Variants in ZAN observed in about 807,000 individuals in gnomAD.
ZAN encodes zonadhesin.
ZAN carries 260 observed loss-of-function variants against 286.2 expected under a neutral mutation model. That is an observed-to-expected ratio of 0.91 (90% CI 0.82 to 1.01). The LOEUF (loss-of-function observed/expected upper bound fraction) is 1.01. Among genes scored for constraint, ZAN ranks in the 50% least tolerant of loss-of-function variants. ZAN has a pLI of 0.00. For missense variants in ZAN, 3,410 were observed against 3,639.2 expected (o/e 0.94, Z 1.62); for synonymous variants, 1,368 against 1,417.5 (o/e 0.97, Z 0.79).
chr7:100,773,890 G>A (rs551449483), intron 31 of ZAN, 25 bp downstream of exon 31: 4 of 1,585,734 alleles, frequency 2.5e-6, no homozygotes, highest in South Asian at 2.3e-5. Context: ...GTGATGGGGG[G>A]ACTCCACAGC....
chr7:100,751,204 G>A lies in ZAN; in HGVS notation c.1544G>A (p.Gly515Glu). 1 of 1,609,608 alleles carries A rather than the reference G, an allele frequency of 6.2e-7. No homozygotes were observed. The highest frequency in any genetic ancestry group is 1.1e-5 in the South Asian group (1 of 90,368). ...TAGCTTATTTTCAAGGGCATCCAGG[G>A]AAGCAACACGGCCTCTGTGGTTGCT... is the stretch of plus-strand genomic sequence containing the variant. ...PMQLIFKGIQ[G>E]SNTASVVAMG... is the part of the protein sequence containing the mutation. The change falls in exon 13 of 48, where the codon GGA becomes GAA. Residue 515 changes from glycine to glutamate, a missense_variant. By Grantham distance (98) the Gly-to-Glu change is moderately conservative. This residue lies in a region of ZAN where 872 missense variants were observed against 938.9 expected (regional missense o/e 0.93). Transcript: ENST00000613979.
intron 35 of ZAN, among the ~76,000 whole-genome samples, chr7:100,783,819 T>TAC (rs1196080180): frequency 3.5e-5 from 1 of 28,616 alleles, no homozygotes; most frequent in Admixed American, 7.0e-4. Flanking sequence ...TATATATACA[T>TAC]ATATATATAT....
At chr7:100,758,119 A>C (rs1266242526) in intron 15 of ZAN, 83 bp from the exon 16 acceptor site, 1 of 1,104,418 alleles carries the variant, frequency 9.1e-7, no homozygotes. Flanking sequence ...TAAATAAATA[A>C]ATAAATAAAT....
intron 15 of ZAN, among the ~76,000 whole-genome samples, chr7:100,757,677 C>T (rs544221862): frequency 1.3e-4 from 20 of 150,612 alleles, no homozygotes; most frequent in Admixed American, 1.2e-3. Flanking sequence ...ATCGCTTGAA[C>T]GCTGAAGGCG....
chr7:100,752,460 A>G lies in ZAN; in HGVS notation c.2355A>G (p.Glu785=), dbSNP rs752803064. 1 of 1,597,714 alleles carries G rather than the reference A, an allele frequency of 6.3e-7. No individual in the cohort carries two copies. Among genetic ancestry groups the G allele is most frequent in the South Asian group, 1.1e-5 (1 of 89,596 alleles). ...CAGAAAAACCCACCATCCCCACAGA[A>G]AAACCCACCATTCCCACAGAAAAAC... The part of the protein sequence containing the change: ...IPTEKPTIPT[E]KPTIPTEKPT... Residue 785 remains glutamate (E), a synonymous_variant, in exon 14 of 48, where the codon GAA becomes GAG. Coordinates refer to ENST00000613979, the MANE Select transcript of ZAN (RefSeq NM_003386.3).
chr7:100,768,088 C>T (rs1810126853), intron 26 of ZAN, 77 bp downstream of exon 26: 1 of 1,492,216 alleles, frequency 6.7e-7, no homozygotes, highest in African/African-American at 1.4e-5. Flanking sequence ...CCCCCAACAT[C>T]TCTGTGAGGT....
chr7:100,765,436 T>C lies in ZAN; in HGVS notation c.4352T>C (p.Phe1451Ser), dbSNP rs1809889414. ...DTCHSGFSGM[F>S]CSDRCVEACE... ...TGCCATTCAGGATTCTCCGGCATGT[T>C]CTGCTCAGACCGGTGCGTGGAGGCC... Residue 1451 changes from phenylalanine (F) to serine (S), a missense_variant, in exon 23 of 48, where the codon TTC (phenylalanine) becomes TCC (serine). By Grantham distance (155) the Phe-to-Ser change is radical. Around this residue, in one of 7 missense-constraint regions of ZAN, gnomAD observed 1,042 missense variants for 1,058.0 expected, o/e 0.98. Coordinates refer to ENST00000613979, the MANE Select transcript of ZAN (RefSeq NM_003386.3). 6.2e-7 allele frequency: 1 copy of C among 1,613,950 alleles called. No individual in the cohort carries two copies. The highest frequency in any genetic ancestry group is 8.5e-7 in the Non-Finnish European group (1 of 1,179,870).
chr7:100,755,235 C>T lies in ZAN; in HGVS notation c.3134C>T (p.Pro1045Leu), dbSNP rs899903959. Residue 1045 changes from proline to leucine, a missense_variant, in exon 15 of 48, where the codon CCT becomes CTT. Physicochemically the swap from Pro to Leu is moderately conservative, Grantham distance 98. Transcript: ENST00000613979. ...GCTGTTTTCCCCTTAGAGCGCTGCC[C>T]TCCAAATGCCCGCTACGAATCCTGT... ...TTSRSSTERC[P>L]PNARYESCAC... 1.2e-6 allele frequency: 2 copies of T among 1,612,408 alleles called. No homozygotes were observed. The highest frequency in any genetic ancestry group is 1.7e-6 in the Non-Finnish European group (2 of 1,178,978).
chr7:100,773,279 C>T lies in ZAN; in HGVS notation c.5426-6C>T. 6.2e-7 allele frequency: 1 copy of T among 1,612,292 alleles called. No homozygotes were observed. The highest frequency in any genetic ancestry group is 8.5e-7 in the Non-Finnish European group (1 of 1,179,858). On this transcript the variant is annotated splice_region_variant and splice_polypyrimidine_tract_variant and intron_variant, in intron 29 of 47. Transcript: ENST00000613979. ...CCACTCTTCCTAATGCTCTCATTTTCTTTAGCTATGAGGTGCCCACCTGGC... is the reference window on the plus strand; with the variant it reads ...CCACTCTTCCTAATGCTCTCATTTTTTTTAGCTATGAGGTGCCCACCTGGC...
chr7:100,769,255 G>A lies in ZAN; in HGVS notation c.5153+534G>A, dbSNP rs566660109. On this transcript the variant is annotated intron_variant, in intron 27 of 47. Transcript: ENST00000613979. ...ATTACAGGCACTCGCCACCACGCCC[G>A]GCTAATTTTTGTATTTTTATTTGAG... Among the ~76,000 whole-genome samples the A allele has an allele frequency of 8.2e-4, 125 of 152,028 alleles. 1 individual carries two copies. Among genetic ancestry groups the A allele is most frequent in the Admixed American group, 8.1e-3 (123 of 15,234 alleles).
chr7:100,749,650 AAATAT>A (rs1455049112), intron 11 of ZAN, among the ~76,000 whole-genome samples: 2 of 121,184 alleles, frequency 1.7e-5, no homozygotes. Flanking sequence ...AAAAAAAAAA[AAATAT>A]ATATATATAT....
intron 3 of ZAN, 116 bp from the exon 4 acceptor site, chr7:100,736,367 C>A (rs921153156): frequency 1.7e-6 from 2 of 1,211,714 alleles, no homozygotes; most frequent in South Asian, 1.2e-5. Flanking sequence ...CCACACCCGG[C>A]TGATTTCATG....
intron 7 of ZAN, among the ~76,000 whole-genome samples, chr7:100,741,167 A>G (rs1218327561): frequency 6.3e-5 from 1 of 15,892 alleles, no homozygotes; most frequent in African/African-American, 2.1e-4. Context: ...TGACCCCCCC[A>G]CCTCCCTCGC....
In ZAN at chr7:100,764,195, C is replaced by A; in HGVS notation, c.4266C>A (p.Cys1422Ter). The change falls in exon 22 of 48, where the codon TGC (cysteine) becomes TGA (stop). Residue 1422 changes from cysteine (C) to a stop codon, truncating the protein, a stop_gained and splice_region_variant. Coordinates refer to ENST00000613979, the MANE Select transcript of ZAN (RefSeq NM_003386.3). LOFTEE classifies it high-confidence loss of function. The part of the protein sequence containing the change: ...AVKPWREPHF[C>*]PMACPPNSKY... ...AGCCCTGGAGGGAACCCCACTTCTG[C>A]CGTGAGTTGTGCCAAACTCAGAGGA... 3 of 1,548,384 alleles carry A rather than the reference C, an allele frequency of 1.9e-6. No homozygotes were observed. The highest frequency in any genetic ancestry group is 2.6e-6 in the Non-Finnish European group (3 of 1,147,514).
rs1810677760 is a variant in ZAN at position 100,775,337 on chromosome 7, T to G, written c.5789T>G (p.Val1930Gly). 1 of 1,612,554 alleles carries G rather than the reference T, an allele frequency of 6.2e-7. No homozygotes were observed. Residue 1930 changes from valine (V) to glycine (G), a missense_variant, in exon 32 of 48, where the codon GTG becomes GGG. Around this residue, in one of 7 missense-constraint regions of ZAN, gnomAD observed 1,289 missense variants for 1,314.3 expected, o/e 0.98. Coordinates refer to ENST00000613979, the MANE Select transcript of ZAN (RefSeq NM_003386.3). ...LLHCRASGVGVCQLPGESHYV... is the reference protein window; with the variant it reads ...LLHCRASGVGGCQLPGESHYV... ...CTCTCTGTCCTCCCAGGTGTGGGAG[T>G]GTGTCAGCTCCCAGGGGAGTCCCAC... is the stretch of plus-strand genomic sequence containing the variant.
intron 11 of ZAN, among the ~76,000 whole-genome samples, chr7:100,750,338 T>C (rs1216672877): frequency 1.3e-5 from 2 of 152,052 alleles, no homozygotes; most frequent in Non-Finnish European, 2.9e-5. Context: ...GGTTTCACCA[T>C]GTTGGCCAGG....
At chr7:100,765,689 G>GC (rs1281693710) in intron 23 of ZAN, 135 bp downstream of exon 23, 30 of 1,190,152 alleles carry the variant, frequency 2.5e-5, no homozygotes, top group Non-Finnish European at 3.4e-5. Flanking sequence ...TTGCTCTGTC[G>GC]CCAGGCTGGA....
intron 37 of ZAN, 136 bp from the exon 38 acceptor site, chr7:100,787,753 G>A: frequency 1.1e-6 from 1 of 951,238 alleles, no homozygotes; most frequent in South Asian, 2.5e-5. Context: ...GTAGAGACAG[G>A]GTTTCACCAT....
In ZAN at chr7:100,766,517, T is replaced by C. The variant is rs778922073; in HGVS notation, c.4471-8T>C. 363 of 1,547,560 alleles carry C rather than the reference T, an allele frequency of 2.3e-4. No individual in the cohort carries two copies. The highest frequency in any genetic ancestry group is 3.0e-4 in the Non-Finnish European group (343 of 1,144,516). ...CACTTTCTCTTCCTTCCCTGCTGTC[T>C]TCCCCAGGTAGGGGAGCGGTGGTAC... is the stretch of plus-strand genomic sequence containing the variant. On this transcript the variant is annotated splice_polypyrimidine_tract_variant and splice_region_variant and intron_variant, in intron 23 of 47. Transcript: ENST00000613979.
Sources: gnomAD v4.1 joint callset for allele counts (sites outside exome capture counted in the v4.1 genomes callset) on GRCh38, gnomAD v4.1.1 for gene constraint, gnomAD v4.1.1 regional missense constraint, MANE v1.5 for transcripts, NCBI Gene and HGNC (gene_info 2026-07-23, HGNC 2026-07-21) for gene names.